Variants in DPP6 observed in about 807,000 individuals in gnomAD.
The protein encoded by DPP6 is A-type potassium channel modulatory protein DPP6.
A neutral mutation model predicts 122.6 loss-of-function variants in DPP6; 69 were observed. That is an observed-to-expected ratio of 0.56 (90% CI 0.46 to 0.69). The LOEUF (loss-of-function observed/expected upper bound fraction) is 0.69, where lower values mean the gene tolerates loss of function less well. DPP6 is among the 30% of genes least tolerant of loss of function. The pLI is 0.00. For missense variants in DPP6, 928 were observed against 1,116.9 expected, an observed-to-expected ratio of 0.83 and a Z score of 2.41; for synonymous variants, 418 against 433.1, an observed-to-expected ratio of 0.97 and a Z score of 0.43.
chr7:154,614,613 T>C (rs1401446357), intron 5 of DPP6, among the ~76,000 whole-genome samples: 1 of 152,250 alleles, frequency 6.6e-6, no homozygotes, highest in African/African-American at 2.4e-5. Flanking sequence ...CATGATTGCT[T>C]GTGCTTAAAT....
intron 1 of DPP6, among the ~76,000 whole-genome samples, chr7:154,382,989 A>C (rs1813763080): frequency 6.6e-6 from 1 of 152,200 alleles, no homozygotes; most frequent in African/African-American, 2.4e-5. Flanking sequence ...GGCCTCCCAA[A>C]ATGCTGGGAT....
intron 6 of DPP6, among the ~76,000 whole-genome samples, chr7:154,662,558 G>T (rs145187857): frequency 0.72 from 23,823 of 33,074 alleles, 9,626 homozygotes; most frequent in Non-Finnish European, 0.84. Flanking sequence ...CGTATCAGCC[G>T]TAGTGTTCAT....
chr7:154,309,539 A>G (rs747443841), intron 1 of DPP6, among the ~76,000 whole-genome samples: 4 of 152,228 alleles, frequency 2.6e-5, no homozygotes, highest in Non-Finnish European at 2.9e-5. Context: ...GTAATGGCCC[A>G]GTAAGAGAAT....
intron 1 of DPP6, among the ~76,000 whole-genome samples, chr7:154,424,924 A>G (rs1284856152): frequency 6.6e-6 from 1 of 152,212 alleles, no homozygotes; most frequent in Non-Finnish European, 1.5e-5. Context: ...TCAAAGGTGA[A>G]GGTCATGAAG....
chr7:154,708,668 C>A (rs1185740052), intron 7 of DPP6, among the ~76,000 whole-genome samples: 6 of 151,994 alleles, frequency 3.9e-5, no homozygotes, highest in Non-Finnish European at 5.9e-5. Flanking sequence ...GATAAAAAAA[C>A]CAAAAGACTG....
chr7:154,453,100 C>T (rs971425236), intron 2 of DPP6, among the ~76,000 whole-genome samples: 1 of 152,164 alleles, frequency 6.6e-6, no homozygotes, highest in Non-Finnish European at 1.5e-5. Context: ...ATGGAAACAC[C>T]GTGACCTTCT....
intron 6 of DPP6, among the ~76,000 whole-genome samples, chr7:154,652,768 A>G (rs1836961338): frequency 6.6e-6 from 1 of 151,828 alleles, no homozygotes; most frequent in African/African-American, 2.4e-5. Context: ...CACACCTCTT[A>G]TGTTTACTGA....
intron 8 of DPP6, among the ~76,000 whole-genome samples, chr7:154,767,769 C>G (rs972672407): frequency 2.0e-5 from 3 of 152,246 alleles, no homozygotes; most frequent in African/African-American, 7.2e-5. Flanking sequence ...GAGCACTGCT[C>G]TCCATACTCC....
At chr7:154,252,213 C>CGTGTGTGTGTGTGT (rs141850746) in intron 1 of DPP6, among the ~76,000 whole-genome samples, 58 of 150,476 alleles carry the variant, frequency 3.9e-4, no homozygotes, top group African/African-American at 1.3e-3. Flanking sequence ...CACAATGTCA[C>CGTGTGTGTGTGTGT]GTGTGTGTGT....
chr7:154,793,047 C>G (rs1797788137), intron 10 of DPP6, among the ~76,000 whole-genome samples: 1 of 152,192 alleles, frequency 6.6e-6, no homozygotes. Flanking sequence ...AGGCTCCAGC[C>G]AAGGCATCTG....
chr7:154,299,268 C>T (rs1805746898), intron 1 of DPP6, among the ~76,000 whole-genome samples: 2 of 152,218 alleles, frequency 1.3e-5, no homozygotes, highest in Admixed American at 6.5e-5. Flanking sequence ...GACCCAGCAG[C>T]TTCCAGGGAC....
At chr7:154,805,643 G>A (rs966507723) in intron 15 of DPP6, among the ~76,000 whole-genome samples, 1 of 152,228 alleles carries the variant, frequency 6.6e-6, no homozygotes, top group Non-Finnish European at 1.5e-5. Flanking sequence ...ATCTCAAAGA[G>A]GGCAGGGACC....
intron 7 of DPP6, among the ~76,000 whole-genome samples, chr7:154,714,348 C>A (rs1189866679): frequency 6.6e-6 from 1 of 152,210 alleles, no homozygotes; most frequent in Non-Finnish European, 1.5e-5. Flanking sequence ...TATAGCAGCA[C>A]CTCACTCTCC....
intron 1 of DPP6, among the ~76,000 whole-genome samples, chr7:154,328,043 A>G (rs968750912): frequency 1.3e-5 from 2 of 152,156 alleles, no homozygotes; most frequent in African/African-American, 2.4e-5. Context: ...GTTGTTATTC[A>G]TGCTTGCTGG....
At chr7:154,698,615 T>C (rs754524937) in intron 7 of DPP6, among the ~76,000 whole-genome samples, 2 of 152,244 alleles carry the variant, frequency 1.3e-5, no homozygotes, top group Non-Finnish European at 2.9e-5. Context: ...TAAATTCACA[T>C]ATATTTAATA....
chr7:154,856,147 A>G (rs1802813008), intron 17 of DPP6, among the ~76,000 whole-genome samples: 1 of 152,234 alleles, frequency 6.6e-6, no homozygotes, highest in Non-Finnish European at 1.5e-5. Context: ...AAAAAACACA[A>G]AAGTATCTTT....
At position 153,969,259 on chromosome 7, in the gene DPP6, C is replaced by G. The variant is rs370323966; in HGVS notation, c.51+81525C>G. Among the ~76,000 whole-genome samples, 24 of 145,226 alleles carry G rather than the reference C, an allele frequency of 1.7e-4. 1 individual carries two copies. The South Asian group carries it at 4.8e-3, about 29-fold the overall frequency. On this transcript the variant is annotated intron_variant, in intron 1 of 25. Transcript: ENST00000404039. ...GCTCCCAAGTGGTGTAGCTCCTGTC[C>G]TGGCTAAGATTCAGCCATTTTTTTT...
chr7:154,766,087 C>T (rs1301419274), intron 8 of DPP6, among the ~76,000 whole-genome samples: 4 of 152,156 alleles, frequency 2.6e-5, no homozygotes, highest in Non-Finnish European at 4.4e-5. Context: ...AACTAACGTA[C>T]AGGAAAATAA....
chr7:154,637,421 C>G (rs12112944), intron 5 of DPP6, among the ~76,000 whole-genome samples: 10,444 of 152,260 alleles, frequency 0.069, 1,177 homozygotes, highest in African/African-American at 0.24. Flanking sequence ...TGGACCCCTT[C>G]CCATAACCCA....
Sources: allele counts gnomAD v4.1 joint callset (sites outside exome capture counted in the v4.1 genomes callset), GRCh38; gene constraint gnomAD v4.1.1; transcripts MANE v1.5; gene names NCBI Gene and HGNC (gene_info 2026-07-23, HGNC 2026-07-21).